TDRD7: variants seen among roughly 807,000 people sequenced by gnomAD.
TDRD7 encodes tudor domain containing 7, also known as tudor domain-containing protein 7.
TDRD7 carries 47 observed loss-of-function variants against 109.8 expected under a neutral mutation model. The ratio of observed to expected loss-of-function variants is 0.43; its 90% CI spans 0.34 to 0.55. The LOEUF (loss-of-function observed/expected upper bound fraction) is 0.55. Ranked by LOEUF, TDRD7 falls within the 20% of genes least tolerant of loss-of-function variation. TDRD7 has a pLI of 0.03. For missense variants in TDRD7, 1,164 were observed against 1,319.2 expected (o/e 0.88, Z 1.82); for synonymous variants, 424 against 457.3 (o/e 0.93, Z 0.93).
At chr9:97,490,821 C>T (rs548683318) in intron 16 of TDRD7, among the ~76,000 whole-genome samples, 1 of 151,236 alleles carries the variant, frequency 6.6e-6, no homozygotes, top group Non-Finnish European at 1.5e-5. Context: ...CTTCCCTCAG[C>T]CAAGTCTAAT....
chr9:97,418,514 A>G (rs1827848887), intron 1 of TDRD7, among the ~76,000 whole-genome samples: 1 of 152,044 alleles, frequency 6.6e-6, no homozygotes, highest in African/African-American at 2.4e-5. Flanking sequence ...GGACAAGAGG[A>G]AGACTCTACC....
At chr9:97,424,890 C>T (rs1297790987) in intron 1 of TDRD7, among the ~76,000 whole-genome samples, 2 of 151,260 alleles carry the variant, frequency 1.3e-5, no homozygotes, top group Non-Finnish European at 2.9e-5. Context: ...TTAACTTCTG[C>T]TTGCATAGGT....
At chr9:97,419,561 C>G (rs1266365593) in intron 1 of TDRD7, among the ~76,000 whole-genome samples, 2 of 152,184 alleles carry the variant, frequency 1.3e-5, no homozygotes, top group Non-Finnish European at 2.9e-5. Flanking sequence ...CTTTCCTGCT[C>G]CCTGGCATTC....
At chr9:97,438,049 C>T (rs1828235077) in intron 4 of TDRD7, among the ~76,000 whole-genome samples, 1 of 152,172 alleles carries the variant, frequency 6.6e-6, no homozygotes, top group Non-Finnish European at 1.5e-5. Flanking sequence ...TATCCCTCTA[C>T]CTTCTACTGG....
At chr9:97,420,675 C>G (rs940278527) in intron 1 of TDRD7, among the ~76,000 whole-genome samples, 1 of 152,116 alleles carries the variant, frequency 6.6e-6, no homozygotes, top group Admixed American at 6.5e-5. Flanking sequence ...TATCTACTTA[C>G]CTTTTGATAG....
chr9:97,430,897 A>C (rs757515499), intron 2 of TDRD7, 36 bp from the exon 3 acceptor site: 2 of 1,613,388 alleles, frequency 1.2e-6, no homozygotes, highest in Non-Finnish European at 1.7e-6. Context: ...GGAATCTGAG[A>C]AATGTTTCTC....
At chr9:97,483,769 C>CT (rs1286703345) in intron 15 of TDRD7, among the ~76,000 whole-genome samples, 1 of 152,004 alleles carries the variant, frequency 6.6e-6, no homozygotes, top group East Asian at 1.9e-4. Context: ...TGTATTTCCT[C>CT]TAATTTTATA....
chr9:97,464,719 T>G (rs1001161400), intron 7 of TDRD7, 123 bp from the exon 8 acceptor site: 6 of 960,910 alleles, frequency 6.2e-6, no homozygotes, highest in South Asian at 1.4e-5. Flanking sequence ...CCTGTTGATA[T>G]AAGCAAGTCT....
At chr9:97,425,357 C>G (rs1827969784) in intron 1 of TDRD7, among the ~76,000 whole-genome samples, 1 of 152,218 alleles carries the variant, frequency 6.6e-6, no homozygotes, top group South Asian at 2.1e-4. Flanking sequence ...TTTTTCTATA[C>G]CTTATCTATG....
At chr9:97,487,460 T>C in intron 16 of TDRD7, 128 bp downstream of exon 16, 1 of 1,163,702 alleles carries the variant, frequency 8.6e-7, no homozygotes, top group South Asian at 1.3e-5. Flanking sequence ...TTTTTTGTGC[T>C]AATAATATTG....
intron 6 of TDRD7, among the ~76,000 whole-genome samples, chr9:97,459,041 G>A (rs572707558): frequency 1.3e-5 from 2 of 152,192 alleles, no homozygotes; most frequent in African/African-American, 4.8e-5. Flanking sequence ...CAGCTAAGGG[G>A]TAGGTAAAAT....
At chr9:97,440,581 A>G (rs1828285293) in intron 5 of TDRD7, among the ~76,000 whole-genome samples, 1 of 152,194 alleles carries the variant, frequency 6.6e-6, no homozygotes. Flanking sequence ...GTGCCAATCT[A>G]AGACTTAGCA....
At chr9:97,484,748 T>C (rs1274504392) in intron 15 of TDRD7, among the ~76,000 whole-genome samples, 1 of 152,254 alleles carries the variant, frequency 6.6e-6, no homozygotes, top group African/African-American at 2.4e-5. Context: ...ATAGGTTTAA[T>C]TCAGCTTGTG....
chr9:97,463,748 G>A (rs906823025), intron 7 of TDRD7, among the ~76,000 whole-genome samples: 2 of 152,164 alleles, frequency 1.3e-5, no homozygotes, highest in Non-Finnish European at 2.9e-5. Flanking sequence ...GAAAACAGTA[G>A]CCTGTTTTGA....
intron 16 of TDRD7, among the ~76,000 whole-genome samples, chr9:97,494,762 G>A (rs1829369001): frequency 6.7e-6 from 1 of 149,642 alleles, no homozygotes; most frequent in Non-Finnish European, 1.5e-5. Flanking sequence ...GCTGGATGGA[G>A]TACAGTGATG....
intron 12 of TDRD7, among the ~76,000 whole-genome samples, chr9:97,476,798 G>T (rs1829030320): frequency 6.6e-6 from 1 of 152,036 alleles, no homozygotes; most frequent in Non-Finnish European, 1.5e-5. Context: ...CCCCCAAAAG[G>T]TAAGAATCGT....
At position 97,470,600 on chromosome 9, in the gene TDRD7, A is replaced by G. The variant is rs1288884016; in HGVS notation, c.1672A>G (p.Ser558Gly). Residue 558 changes from serine to glycine, a missense_variant, in exon 9 of 17, where the codon AGC becomes GGC. Transcript: ENST00000355295. Reference sequence around the variant, plus strand: ...TGGTTTTAGTGAAAATGTTGAAAAAAGCAAAGCATACAAATTAAACCCGAA... The same window carrying G: ...TGGTTTTAGTGAAAATGTTGAAAAAGGCAAAGCATACAAATTAAACCCGAA... ...DYGFSENVEK[S>G]KAYKLNPKFC... 6.2e-7 allele frequency: 1 copy of G among 1,614,012 alleles called. No individual in the cohort carries two copies.
At position 97,494,781 on chromosome 9, in the gene TDRD7, G is replaced by A. The variant is rs149205644; in HGVS notation, c.3077-882G>A. ...GATGGAGTACAGTGATGCAGTCACG[G>A]CTCACTGCAGCCCTGACCTCCCAGG... On this transcript the variant is annotated intron_variant, in intron 16 of 16. Coordinates refer to ENST00000355295, the MANE Select transcript of TDRD7 (RefSeq NM_014290.3). 7.8e-3 allele frequency among the ~76,000 whole-genome samples: 1,175 copies of A among 150,776 alleles called. 12 individuals are homozygous for A. The highest frequency in any genetic ancestry group is 0.026 in the African/African-American group (1,081 of 41,090).
chr9:97,488,576 T>TG (rs1170288766), intron 16 of TDRD7, among the ~76,000 whole-genome samples: 299 of 150,366 alleles, frequency 2.0e-3, no homozygotes, highest in South Asian at 2.7e-3. Flanking sequence ...TTTTTTTTTT[T>TG]TTTGTTTTCA....
Sources: gnomAD v4.1 joint callset for allele counts (sites outside exome capture counted in the v4.1 genomes callset) on GRCh38, gnomAD v4.1.1 for gene constraint, MANE v1.5 for transcripts, NCBI Gene and HGNC (gene_info 2026-07-23, HGNC 2026-07-21) for gene names.